Variants in UBXN8 observed in about 807,000 individuals in gnomAD.
UBXN8 encodes UBX domain protein 8, also known as UBX domain-containing protein 8.
In UBXN8, 27 loss-of-function variants were observed where a neutral mutation model predicts 32.1. The observed-to-expected ratio is 0.84, with a 90% confidence interval of 0.62 to 1.16. The LOEUF (loss-of-function observed/expected upper bound fraction) is 1.16. Among genes scored for constraint, UBXN8 ranks in the 50% most tolerant of loss-of-function variants. The pLI, the probability that UBXN8 is intolerant of heterozygous loss-of-function variation, is 0.00. For missense variants in UBXN8, 306 were observed against 311.4 expected (o/e 0.98, Z 0.13); for synonymous variants, 109 against 111.8 (o/e 0.98, Z 0.16).
chr8:30,765,634 A>G (rs1428562631), intron 7 of UBXN8, among the ~76,000 whole-genome samples: 4 of 150,024 alleles, frequency 2.7e-5, no homozygotes, highest in Admixed American at 1.3e-4. Context: ...GCTCACTGCA[A>G]CCTCCGCCTC....
At chr8:30,729,281 G>A (rs1180590645), upstream of UBXN8, among the ~76,000 whole-genome samples, 2 of 152,242 alleles carry the variant, frequency 1.3e-5, no homozygotes, top group African/African-American at 4.8e-5. Flanking sequence ...CCCCCGTGGA[G>A]TATCAACGCA....
At chr8:30,739,940 C>T (rs866697869), upstream of UBXN8, among the ~76,000 whole-genome samples, 3 of 152,118 alleles carry the variant, frequency 2.0e-5, no homozygotes, top group South Asian at 2.1e-4. Context: ...CTCTCTCTGT[C>T]GCCCAGGCTG....
chr8:30,743,364 C>T (rs947216930), upstream of UBXN8, among the ~76,000 whole-genome samples: 2 of 151,012 alleles, frequency 1.3e-5, no homozygotes, highest in Non-Finnish European at 2.9e-5. Flanking sequence ...CCATATTTGC[C>T]AGGCTGGTCT....
At chr8:30,765,935 AG>A (rs1378906111) in intron 7 of UBXN8, among the ~76,000 whole-genome samples, 1 of 147,212 alleles carries the variant, frequency 6.8e-6, no homozygotes, top group Non-Finnish European at 1.5e-5. Context: ...GCTTAAACCC[AG>A]GTGGTGGAGG....
In UBXN8 at chr8:30,766,233, T is replaced by G. The variant is rs370192242; in HGVS notation, c.652T>G (p.Phe218Val). 16 of 1,611,444 alleles carry G rather than the reference T, an allele frequency of 9.9e-6. No homozygotes were observed. In the African/African-American group the frequency reaches 2.1e-4, roughly 21 times the overall value. ...FLKSYSSQVL[F>V]DWMTRIGYHI... ...CAAGCTTTTCATCTTCTAGGTCTTA[T>G]TTGACTGGATGACGAGAATTGGGTA... Residue 218 changes from phenylalanine (F) to valine (V), a missense_variant, in exon 8 of 8, where the codon TTT becomes GTT. Transcript: ENST00000265616.
At chr8:30,756,589 C>T (rs747417365) in intron 4 of UBXN8, among the ~76,000 whole-genome samples, 176 bp from the exon 5 acceptor site, 10 of 152,012 alleles carry the variant, frequency 6.6e-5, no homozygotes, top group African/African-American at 1.2e-4. Context: ...GCTCAAGCCT[C>T]GTGTTTTCCT....
intron 7 of UBXN8, among the ~76,000 whole-genome samples, chr8:30,765,532 T>TCATATA (rs35820814): frequency 6.6e-6 from 1 of 150,386 alleles, no homozygotes; most frequent in Non-Finnish European, 1.5e-5. Flanking sequence ...AAAAAAAATT[T>TCATATA]TATATATATA....
chr8:30,763,726 C>T (rs1366562813), intron 7 of UBXN8, among the ~76,000 whole-genome samples: 1 of 151,916 alleles, frequency 6.6e-6, no homozygotes, highest in Non-Finnish European at 1.5e-5. Context: ...TGCAGTGGCT[C>T]ATGTCTGTAA....
chr8:30,732,099 G>A (rs918270700), upstream of UBXN8: 8 of 303,144 alleles, frequency 2.6e-5, no homozygotes, highest in African/African-American at 8.8e-5. Flanking sequence ...GGGAAGATCC[G>A]GAGTCAGGTG....
Position 30,765,532 on chromosome 8 carries a change from T to TCATA in UBXN8, c.646-695_646-694insCATA, listed in dbSNP as rs35820814. Among the ~76,000 whole-genome samples, 600 of 150,356 alleles carry TCATA rather than the reference T, an allele frequency of 4.0e-3. 7 individuals carry two copies. The Middle Eastern group carries it at 0.045, about 11-fold the overall frequency. On this transcript the variant is annotated intron_variant, in intron 7 of 7. Coordinates refer to ENST00000265616, the MANE Select transcript of UBXN8 (RefSeq NM_005671.4). ...ATTATATGTTTCGGGAAAAAAAATT[T>TCATA]TATATATATATATATGTGTGTGTGT... is the stretch of plus-strand genomic sequence containing the variant.
chr8:30,747,887 A>ATTTTTTTTT (rs1449255462), intron 1 of UBXN8, among the ~76,000 whole-genome samples: 1 of 40,734 alleles, frequency 2.5e-5, no homozygotes, highest in Non-Finnish European at 4.9e-5. Flanking sequence ...TTTAATATAT[A>ATTTTTTTTT]TTTTTTCTTT....
chr8:30,763,239 G>C, intron 6 of UBXN8, 34 bp from the exon 7 acceptor site: 10 of 1,602,002 alleles, frequency 6.2e-6, no homozygotes, highest in Non-Finnish European at 8.6e-6. Context: ...AAGAGCAATG[G>C]ATCGGAGTTC....
chr8:30,744,909 G>A (rs1448993661), intron 1 of UBXN8, among the ~76,000 whole-genome samples: 1 of 152,194 alleles, frequency 6.6e-6, no homozygotes, highest in Non-Finnish European at 1.5e-5. Context: ...ATTGGCTCAG[G>A]ATAATGACGT....
In UBXN8 at chr8:30,746,795, A is replaced by G. The variant is rs1805374668; in HGVS notation, c.88+2518A>G. On this transcript the variant is annotated intron_variant, in intron 1 of 7. Coordinates refer to ENST00000265616, the MANE Select transcript of UBXN8 (RefSeq NM_005671.4). Reference sequence around the variant, plus strand: ...CGCCTCGGCCTCCCAAAGTGCTGGGATTACAGGCGTGAGCCACCGCGCCCT... The same window carrying G: ...CGCCTCGGCCTCCCAAAGTGCTGGGGTTACAGGCGTGAGCCACCGCGCCCT... 1.4e-5 allele frequency among the ~76,000 whole-genome samples: 2 copies of G among 138,586 alleles called. 1 individual carries two copies. Among genetic ancestry groups the G allele is most frequent in the African/African-American group, 5.6e-5 (2 of 35,696 alleles). 90.9% of individuals were successfully genotyped at this position (138,586 alleles called of 152,430 possible). A position where few individuals can be genotyped will look rare whatever the true frequency, so the allele number is the denominator to read the frequency against.
At chr8:30,739,271 A>G (rs114842218), upstream of UBXN8, among the ~76,000 whole-genome samples, 3,440 of 150,922 alleles carry the variant, frequency 0.023, 165 homozygotes, top group African/African-American at 0.078. Context: ...ATGGCCGGGT[A>G]TGGTGGCTCA....
At chr8:30,733,518 G>C (rs1805013823) in intron 1 of UBXN8, among the ~76,000 whole-genome samples, 1 of 152,184 alleles carries the variant, frequency 6.6e-6, no homozygotes, top group Admixed American at 6.5e-5. Context: ...TTCCACCTTG[G>C]TGGGTTTGGG....
At chr8:30,734,884 G>A (rs1428791784) in intron 1 of UBXN8, among the ~76,000 whole-genome samples, 1 of 152,098 alleles carries the variant, frequency 6.6e-6, no homozygotes, top group East Asian at 1.9e-4. Context: ...TTGAGGCTGT[G>A]GTGAAATGTG....
upstream of UBXN8, among the ~76,000 whole-genome samples, chr8:30,741,387 TAAAC>T (rs1167382493): frequency 1.3e-5 from 2 of 150,056 alleles, no homozygotes; most frequent in African/African-American, 2.5e-5. Context: ...CCCTGTCTCA[TAAAC>T]AAATAAAAAT....
intron 5 of UBXN8, among the ~76,000 whole-genome samples, chr8:30,759,780 C>T (rs527791442): frequency 6.6e-6 from 1 of 150,658 alleles, no homozygotes; most frequent in East Asian, 2.0e-4. Flanking sequence ...CACGGGGAAA[C>T]CCTATCTCTA....
Sources: gnomAD v4.1 joint callset for allele counts (sites outside exome capture counted in the v4.1 genomes callset) on GRCh38, gnomAD v4.1.1 for gene constraint, MANE v1.5 for transcripts, NCBI Gene and HGNC (gene_info 2026-07-23, HGNC 2026-07-21) for gene names.